Variants in STK17A observed in about 807,000 individuals in gnomAD.
STK17A encodes serine/threonine kinase 17a.
STK17A carries 26 observed loss-of-function variants against 43.7 expected under a neutral mutation model. The ratio of observed to expected loss-of-function variants is 0.60; its 90% CI spans 0.44 to 0.83. The LOEUF is 0.83. Among genes scored for constraint, STK17A ranks in the 40% least tolerant of loss-of-function variants. The pLI, the probability that STK17A is intolerant of heterozygous loss-of-function variation, is 0.00. For missense variants in STK17A, 476 were observed against 511.6 expected, an observed-to-expected ratio of 0.93 and a Z score of 0.67; for synonymous variants, 191 against 182.5, an observed-to-expected ratio of 1.05 and a Z score of -0.38.
rs931978679 is a variant in STK17A at position 43,625,432 on chromosome 7, G to A, written c.*590G>A. On this transcript the variant is annotated 3_prime_UTR_variant, in exon 7 of 7. Coordinates refer to ENST00000319357, the MANE Select transcript of STK17A (RefSeq NM_004760.3). Reference sequence around the variant, plus strand: ...CTGTTGTGTTTTTGCCTAAATACTAGTAACATATCAGTGAAAAACCCTAAT... The same window carrying A: ...CTGTTGTGTTTTTGCCTAAATACTAATAACATATCAGTGAAAAACCCTAAT... The A allele has an allele frequency of 1.3e-4, 20 of 152,244 alleles. No homozygotes were observed. The highest frequency in any genetic ancestry group is 3.6e-4 in the African/African-American group (15 of 41,528). 9.4% of individuals were successfully genotyped at this position (152,244 alleles called of 1,614,324 possible). A position where few individuals can be genotyped will look rare whatever the true frequency, so the allele number is the denominator to read the frequency against.
intron 4 of STK17A, chr7:43,622,689 A>G (rs886854786): frequency 5.0e-5 from 6 of 119,264 alleles, no homozygotes; most frequent in Non-Finnish European, 1.0e-4. Flanking sequence ...ACTTTATATC[A>G]AAGTTTTTTG....
chr7:43,613,028 T>C (rs2083017860), intron 3 of STK17A, among the ~76,000 whole-genome samples: 1 of 152,162 alleles, frequency 6.6e-6, no homozygotes, highest in Admixed American at 6.5e-5. Context: ...TTTGGTGAAT[T>C]AGTCATTCAG....
chr7:43,623,920 A>G, intron 6 of STK17A, 32 bp downstream of exon 6: 4 of 1,347,110 alleles, frequency 3.0e-6, no homozygotes, highest in Non-Finnish European at 3.8e-6. Flanking sequence ...TTAATATTGA[A>G]CTAATTCAAT....
rs182759249 is a variant in STK17A, at chr7:43,592,333, A to G, written c.207-3568A>G. ...GAAGTCTTTCATATTTCTGTGAACA[A>G]AAGAACTTTTATCTGAATAAGGGTG... On this transcript the variant is annotated intron_variant, in intron 1 of 6. Transcript: ENST00000319357. Among the ~76,000 whole-genome samples the G allele has an allele frequency of 2.2e-4, 34 of 151,732 alleles. 1 individual carries two copies. The highest frequency in any genetic ancestry group is 4.1e-4 in the Non-Finnish European group (28 of 67,678).
chr7:43,587,543 CTG>C (rs1328954069), intron 1 of STK17A, among the ~76,000 whole-genome samples: 1 of 151,322 alleles, frequency 6.6e-6, no homozygotes, highest in Non-Finnish European at 1.5e-5. Flanking sequence ...AAAGGGGACT[CTG>C]GGTGGGTATT....
chr7:43,617,095 C>G (rs2083426660), intron 3 of STK17A, among the ~76,000 whole-genome samples: 1 of 152,148 alleles, frequency 6.6e-6, no homozygotes, highest in African/African-American at 2.4e-5. Flanking sequence ...GGGAGCATGG[C>G]AAGTATGAGA....
intron 3 of STK17A, among the ~76,000 whole-genome samples, chr7:43,619,132 A>G (rs1188461229): frequency 6.6e-6 from 1 of 152,234 alleles, no homozygotes; most frequent in African/African-American, 2.4e-5. Context: ...CCTGAAAGAC[A>G]CAGACGGGAT....
Position 43,583,340 on chromosome 7 carries a change from C to A in STK17A, c.97C>A (p.Pro33Thr), listed in dbSNP as rs2082413775. The change falls in exon 1 of 7, where the codon CCG becomes ACG. Residue 33 changes from proline to threonine, a missense_variant. Physicochemically the swap from Pro to Thr is conservative, Grantham distance 38. Coordinates refer to ENST00000319357, the MANE Select transcript of STK17A (RefSeq NM_004760.3). ...AGRGLSGPCR[P>T]PPPPQARGLL... ...CCGGGGTCTGAGCGGGCCGTGCCGG[C>A]CGCCGCCGCCGCCCCAGGCCCGCGG... 7.0e-7 allele frequency: 1 copy of A among 1,426,874 alleles called. No individual in the cohort carries two copies. The highest frequency in any genetic ancestry group is 9.2e-7 in the Non-Finnish European group (1 of 1,088,736). The allele number at this position is 1,426,874 out of a possible 1,614,324, so 88.4% of individuals were successfully genotyped here. A position where few individuals can be genotyped will look rare whatever the true frequency, so the allele number is the denominator to read the frequency against.
intron 1 of STK17A, among the ~76,000 whole-genome samples, chr7:43,595,306 C>T (rs1388886784): frequency 8.5e-5 from 11 of 128,866 alleles, no homozygotes; most frequent in African/African-American, 2.9e-4. Context: ...GAGACAGAGT[C>T]TCACTCTGTC....
At chr7:43,602,793 TTTTTGTTTCC>T (rs2082564548) in intron 2 of STK17A, among the ~76,000 whole-genome samples, 1 of 152,200 alleles carries the variant, frequency 6.6e-6, no homozygotes, top group South Asian at 2.1e-4. Context: ...TATTTCCAAA[TTTTTGTTTCC>T]AACCTCTGCC....
chr7:43,616,892 G>A (rs1394705086), intron 3 of STK17A, among the ~76,000 whole-genome samples: 2 of 152,016 alleles, frequency 1.3e-5, no homozygotes, highest in Admixed American at 6.5e-5. Flanking sequence ...GTGAGACTCC[G>A]TCTCAAAAAA....
Position 43,596,097 on chromosome 7 carries a change from A to G in STK17A, c.403A>G (p.Ile135Val). The part of the protein sequence containing the change: ...HEVYETASEM[I>V]LVLEYAAGGE... Reference sequence around the variant, plus strand: ...AGTTTATGAGACTGCATCAGAAATGATCTTAGTTCTGGAATAGTAAGTATT... The same window carrying G: ...AGTTTATGAGACTGCATCAGAAATGGTCTTAGTTCTGGAATAGTAAGTATT... The change falls in exon 2 of 7, where the codon ATC (isoleucine) becomes GTC (valine). Residue 135 changes from isoleucine to valine, a missense_variant. Ile to Val is a conservative substitution (Grantham distance 29). This residue lies in a region of STK17A where 320 missense variants were observed against 326.3 expected (regional missense o/e 0.98). Transcript: ENST00000319357. 2 of 1,610,546 alleles carry G rather than the reference A, an allele frequency of 1.2e-6. No individual in the cohort carries two copies. Among genetic ancestry groups the G allele is most frequent in the Non-Finnish European group, 1.7e-6 (2 of 1,178,180 alleles).
intron 3 of STK17A, among the ~76,000 whole-genome samples, chr7:43,610,346 CAAAAAAAAA>C (rs138859141): frequency 1.7e-4 from 7 of 41,312 alleles, no homozygotes; most frequent in African/African-American, 6.5e-4. Context: ...GACTCCGTCT[CAAAAAAAAA>C]AAAAAAAAAA....
intron 2 of STK17A, among the ~76,000 whole-genome samples, chr7:43,600,257 C>T (rs2082546139): frequency 6.6e-6 from 1 of 152,160 alleles, no homozygotes; most frequent in Admixed American, 6.6e-5. Context: ...CCATGATGCA[C>T]CTAGCCTGCA....
chr7:43,596,866 T>TA (rs2082519196), intron 2 of STK17A, among the ~76,000 whole-genome samples: 1 of 50,046 alleles, frequency 2.0e-5, no homozygotes, highest in South Asian at 5.7e-4. Flanking sequence ...AGACTCCATC[T>TA]CAAAAAAAAA....
At chr7:43,605,985 T>G (rs2152972170) in intron 2 of STK17A, among the ~76,000 whole-genome samples, 1 of 151,834 alleles carries the variant, frequency 6.6e-6, no homozygotes, top group South Asian at 2.1e-4. Context: ...AAGTAATCCT[T>G]CAAGGCTCAG....
chr7:43,624,577 A>C lies in STK17A; in HGVS notation c.980A>C (p.Gln327Pro). The change falls in exon 7 of 7, where the codon CAA (glutamine) becomes CCA (proline). Residue 327 changes from glutamine to proline, a missense_variant. This residue lies in a region of STK17A where 110 missense variants were observed against 103.7 expected (regional missense o/e 1.06). Coordinates refer to ENST00000319357, the MANE Select transcript of STK17A (RefSeq NM_004760.3). ...CCCTGGTTGACACAGAGCAGTATTCAAGAGCCTTCTTTCAGGATGGAAAAG... is the reference window on the plus strand; with the variant it reads ...CCCTGGTTGACACAGAGCAGTATTCCAGAGCCTTCTTTCAGGATGGAAAAG... ...KHPWLTQSSI[Q>P]EPSFRMEKAL... 6.2e-7 allele frequency: 1 copy of C among 1,614,152 alleles called. No homozygotes were observed. The highest frequency in any genetic ancestry group is 8.5e-7 in the Non-Finnish European group (1 of 1,180,006).
chr7:43,583,900 G>A (rs2082421113), intron 1 of STK17A, among the ~76,000 whole-genome samples: 1 of 152,138 alleles, frequency 6.6e-6, no homozygotes, highest in Non-Finnish European at 1.5e-5. Flanking sequence ...CATCCGTTGT[G>A]ACCGCTTCCT....
intron 3 of STK17A, among the ~76,000 whole-genome samples, chr7:43,617,753 C>T (rs896484277): frequency 2.6e-5 from 4 of 152,060 alleles, no homozygotes; most frequent in African/African-American, 9.7e-5. Context: ...GCCTTGGGTG[C>T]AGATCATGCA....
Sources: gnomAD v4.1 joint callset for allele counts (sites outside exome capture counted in the v4.1 genomes callset) on GRCh38, gnomAD v4.1.1 for gene constraint, gnomAD v4.1.1 regional missense constraint, MANE v1.5 for transcripts, NCBI Gene and HGNC (gene_info 2026-07-23, HGNC 2026-07-21) for gene names.